EXOSC7: variants seen among roughly 807,000 people sequenced by gnomAD.
EXOSC7 encodes exosome component 7.
In EXOSC7, 25 loss-of-function variants were observed where a neutral mutation model predicts 34.3. The observed-to-expected ratio is 0.73, with a 90% CI of 0.53 to 1.02. The LOEUF is 1.02. EXOSC7 is among the 50% of genes least tolerant of loss of function. The probability of loss-of-function intolerance (pLI) is 0.00; values close to 1 mark genes in which losing one functional copy is unlikely to be tolerated. For missense variants in EXOSC7, 370 were observed against 368.5 expected (o/e 1.00, Z -0.03); for synonymous variants, 130 against 143.0 (o/e 0.91, Z 0.65).
chr3:44,997,081 G>A lies in EXOSC7; in HGVS notation c.255-6G>A. ...CACCCAGTTTTTTTGTTTCTGTTTT[G>A]TATAGTTCAGCCAGTGCTACCCCTG... On this transcript the variant is annotated splice_region_variant and splice_polypyrimidine_tract_variant and intron_variant, in intron 3 of 7. Transcript: ENST00000265564. 4 of 1,613,106 alleles carry A rather than the reference G, an allele frequency of 2.5e-6. No individual in the cohort carries two copies. The highest frequency in any genetic ancestry group is 2.5e-6 in the Non-Finnish European group (3 of 1,179,440).
chr3:45,008,899 T>C (rs1707129097), intron 7 of EXOSC7, among the ~76,000 whole-genome samples: 2 of 152,258 alleles, frequency 1.3e-5, no homozygotes, highest in Non-Finnish European at 2.9e-5. Flanking sequence ...GTGTGCGTAC[T>C]ATGTGCCAGA....
At chr3:44,983,021 G>A (rs1015821310) in intron 1 of EXOSC7, among the ~76,000 whole-genome samples, 1 of 152,192 alleles carries the variant, frequency 6.6e-6, no homozygotes, top group Non-Finnish European at 1.5e-5. Flanking sequence ...GGAATCTGGA[G>A]TATTAGACAA....
At chr3:45,000,246 A>T (rs1367567457) in intron 4 of EXOSC7, among the ~76,000 whole-genome samples, 1 of 152,196 alleles carries the variant, frequency 6.6e-6, no homozygotes, top group Admixed American at 6.5e-5. Flanking sequence ...CTGTCTTTTG[A>T]TGGGTTCTTT....
intron 3 of EXOSC7, among the ~76,000 whole-genome samples, chr3:44,995,174 G>T (rs1333086188): frequency 6.6e-6 from 1 of 152,032 alleles, no homozygotes; most frequent in Admixed American, 6.6e-5. Context: ...GTAGAGACGG[G>T]GTTTCTACAT....
intron 7 of EXOSC7, among the ~76,000 whole-genome samples, chr3:45,010,629 A>G (rs369357401): frequency 6.6e-6 from 1 of 151,572 alleles, no homozygotes; most frequent in Non-Finnish European, 1.5e-5. Context: ...ACTGATTATT[A>G]ATTTTGTGGG....
intron 4 of EXOSC7, among the ~76,000 whole-genome samples, chr3:44,998,326 G>A (rs1039618964): frequency 4.6e-5 from 7 of 151,860 alleles, no homozygotes; most frequent in African/African-American, 1.2e-4. Flanking sequence ...GCAAACCACC[G>A]TGCCTGGCCT....
intron 2 of EXOSC7, 37 bp from the exon 3 acceptor site, chr3:44,989,513 T>C: frequency 6.6e-7 from 1 of 1,523,048 alleles, no homozygotes; most frequent in East Asian, 2.2e-5. Context: ...CCTGGCTGCA[T>C]ACTCTGAGTG....
chr3:44,986,882 A>C (rs1706433945), intron 1 of EXOSC7, among the ~76,000 whole-genome samples: 1 of 152,222 alleles, frequency 6.6e-6, no homozygotes, highest in Non-Finnish European at 1.5e-5. Flanking sequence ...TTAGCCAGGC[A>C]GTTTAAAGAT....
rs112306965 is a variant in EXOSC7 at position 45,007,643 on chromosome 3, G to T, written c.771+68G>T. 139 of 1,460,386 alleles carry T rather than the reference G, an allele frequency of 9.5e-5. 1 individual carries two copies. In the African/African-American group the frequency reaches 1.5e-3, roughly 16 times the overall value. The allele number at this position is 1,460,386 out of a possible 1,614,324, so 90.5% of individuals were successfully genotyped here. ...GTGCCTGCTGCTTCCTGCTCCCTTG[G>T]TCATACCGTGGGGATTCTCCCCATT... On this transcript the variant is annotated intron_variant, in intron 7 of 7. Coordinates refer to ENST00000265564, the MANE Select transcript of EXOSC7 (RefSeq NM_015004.4).
At chr3:44,999,988 A>G (rs901592860) in intron 4 of EXOSC7, among the ~76,000 whole-genome samples, 2 of 150,498 alleles carry the variant, frequency 1.3e-5, no homozygotes, top group Non-Finnish European at 3.0e-5. Context: ...GCACCCTGCC[A>G]TGTTTTCATA....
At chr3:45,006,542 G>A (rs1327434957) in intron 6 of EXOSC7, among the ~76,000 whole-genome samples, 2 of 146,366 alleles carry the variant, frequency 1.4e-5, no homozygotes, top group Admixed American at 6.8e-5. Context: ...TCAGCCTCCC[G>A]AGTAGCTGGG....
At position 45,003,326 on chromosome 3, in the gene EXOSC7, TGTGCGTGC is replaced by T. The variant is rs55977605; in HGVS notation, c.491+1738_491+1745del. On this transcript the variant is annotated intron_variant, in intron 5 of 7. Coordinates refer to ENST00000265564, the MANE Select transcript of EXOSC7 (RefSeq NM_015004.4). ...AAAGGGTTGGGAAATTGGGAGATAC[TGTGCGTGC>T]GTGCGTGCGTGCGTGCGTGTGTGTG... 3.5e-3 allele frequency among the ~76,000 whole-genome samples: 484 copies of T among 136,928 alleles called. 5 individuals carry two copies. The highest frequency in any genetic ancestry group is 0.011 in the Middle Eastern group (3 of 272). 89.8% of individuals were successfully genotyped at this position (136,928 alleles called of 152,430 possible). A position where few individuals can be genotyped will look rare whatever the true frequency, so the allele number is the denominator to read the frequency against.
intron 5 of EXOSC7, among the ~76,000 whole-genome samples, chr3:45,003,407 A>C (rs796962464): frequency 5.1e-4 from 78 of 152,198 alleles, no homozygotes; most frequent in African/African-American, 1.6e-3. Flanking sequence ...ATAGGATATT[A>C]CTTAGTAGAA....
chr3:44,986,115 C>T lies in EXOSC7; in HGVS notation c.58-3025C>T, dbSNP rs116154377. 1.6e-3 allele frequency among the ~76,000 whole-genome samples: 244 copies of T among 152,072 alleles called. 1 individual carries two copies. The highest frequency in any genetic ancestry group is 2.9e-3 in the Admixed American group (44 of 15,276). ...GCCTGCCAGTCCCCTGCCATGCACCCGCATTCCTCAGCCCTTGGGTGGTCG... is the reference window on the plus strand; with the variant it reads ...GCCTGCCAGTCCCCTGCCATGCACCTGCATTCCTCAGCCCTTGGGTGGTCG... On this transcript the variant is annotated intron_variant, in intron 1 of 7. Transcript: ENST00000265564.
At chr3:44,985,077 G>A (rs1036066632) in intron 1 of EXOSC7, among the ~76,000 whole-genome samples, 1 of 152,222 alleles carries the variant, frequency 6.6e-6, no homozygotes. Flanking sequence ...ACCTTTCTGG[G>A]CTGGGTATTC....
At position 45,003,194 on chromosome 3, in the gene EXOSC7, A is replaced by C. The variant is rs561224049; in HGVS notation, c.491+1586A>C. 2.0e-5 allele frequency among the ~76,000 whole-genome samples: 3 copies of C among 152,324 alleles called. No individual in the cohort carries two copies. The South Asian group carries it at 6.2e-4, about 32-fold the overall frequency. On this transcript the variant is annotated intron_variant, in intron 5 of 7. Transcript: ENST00000265564. ...AAGGAATGGGGACTCTAAGGCATCA[A>C]GTCCCCCTGGTATGTGGAGAGACTA... is the stretch of plus-strand genomic sequence containing the variant.
In EXOSC7 at chr3:45,007,433, A is replaced by G. The variant is rs141843360; in HGVS notation, c.629A>G (p.His210Arg). 72 of 1,613,996 alleles carry G rather than the reference A, an allele frequency of 4.5e-5. No individual in the cohort carries two copies. The highest frequency in any genetic ancestry group is 4.1e-4 in the South Asian group (37 of 91,070). Residue 210 changes from histidine (H) to arginine (R), a missense_variant, in exon 7 of 8, where the codon CAT (histidine) becomes CGT (arginine). Physicochemically the swap from His to Arg is conservative, Grantham distance 29. This residue lies in a region of EXOSC7 where 255 missense variants were observed against 246.4 expected (regional missense o/e 1.03). Transcript: ENST00000265564. ...IVTLCKIGYR[H>R]VVDATLQEEA... ...CTGCCTTTGCAGATTGGCTATCGGC[A>G]TGTGGTGGATGCTACTCTTCAGGAG...
At chr3:44,987,035 A>G (rs1706439057) in intron 1 of EXOSC7, among the ~76,000 whole-genome samples, 1 of 151,802 alleles carries the variant, frequency 6.6e-6, no homozygotes, top group Non-Finnish European at 1.5e-5. Flanking sequence ...ACAAAGAATG[A>G]GAAGGAGCTC....
At chr3:44,998,787 T>A (rs1706796495) in intron 4 of EXOSC7, among the ~76,000 whole-genome samples, 1 of 152,208 alleles carries the variant, frequency 6.6e-6, no homozygotes. Flanking sequence ...ATAAGTGGGA[T>A]GTACCTTGTA....
Sources: gnomAD v4.1 joint callset for allele counts (sites outside exome capture counted in the v4.1 genomes callset) on GRCh38, gnomAD v4.1.1 for gene constraint, gnomAD v4.1.1 regional missense constraint, MANE v1.5 for transcripts, NCBI Gene and HGNC (gene_info 2026-07-23, HGNC 2026-07-21) for gene names.